The following RPS19 variants were observed in gnomAD, a reference collection of about 807,000 sequenced individuals.
The protein encoded by RPS19 is small ribosomal subunit protein eS19.
Under a neutral mutation model 20.3 loss-of-function variants are expected in RPS19, and 1 was observed. That is an observed-to-expected ratio of 0.05 (90% CI 0.02 to 0.23). The LOEUF (loss-of-function observed/expected upper bound fraction) is 0.23, where lower values mean the gene tolerates loss of function less well. RPS19 is among the 10% of genes least tolerant of loss of function. The pLI is 1.00. For synonymous variants in RPS19, 87 were observed against 74.8 expected, an observed-to-expected ratio of 1.16 and a Z score of -0.84; for missense variants, 111 against 192.7, an observed-to-expected ratio of 0.58 and a Z score of 2.51.
intron 3 of RPS19, chr19:41,864,996 A>G (rs138636742): frequency 6.6e-6 from 1 of 152,354 alleles, no homozygotes; most frequent in African/African-American, 2.4e-5. Context: ...GTCAGAAAAA[A>G]ATAATTAGCA....
At chr19:41,861,313 GGA>G in intron 3 of RPS19, 101 bp downstream of exon 3, 1 of 848,204 alleles carries the variant, frequency 1.2e-6, no homozygotes. Flanking sequence ...GCCCCAAGAG[GGA>G]GAGAAACCCT....
At position 41,871,432 on chromosome 19, in the gene RPS19, CT is replaced by C. The variant is rs368674113; in HGVS notation, c.*61del. On this transcript the variant is annotated 3_prime_UTR_variant, in exon 6 of 6. Coordinates refer to ENST00000598742, the MANE Select transcript of RPS19 (RefSeq NM_001022.4). Reference sequence around the variant, plus strand: ...TCATTCGTAATCCTGGTCTGGGTCTCTTTTTTGAGTCTCTTGCTCTGTCGCC... The same window carrying C: ...TCATTCGTAATCCTGGTCTGGGTCTCTTTTTGAGTCTCTTGCTCTGTCGCC... The C allele has an allele frequency of 2.0e-6, 3 of 1,515,954 alleles. No homozygotes were observed. Among genetic ancestry groups the C allele is most frequent in the Non-Finnish European group, 9.2e-7 (1 of 1,092,462 alleles). The allele number at this position is 1,515,954 out of a possible 1,614,324, so 93.9% of individuals were successfully genotyped here.
intron 5 of RPS19, among the ~76,000 whole-genome samples, chr19:41,870,371 T>C (rs2074134408): frequency 6.6e-6 from 1 of 152,146 alleles, no homozygotes; most frequent in South Asian, 2.1e-4. Flanking sequence ...TTAGTCCTCA[T>C]GCGTACTGAG....
At chr19:41,863,833 C>G (rs2074057404) in intron 3 of RPS19, 1 of 147,326 alleles carries the variant, frequency 6.8e-6, no homozygotes. Context: ...CAGTGTAGCC[C>G]CGGACAGGCT....
intron 3 of RPS19, among the ~76,000 whole-genome samples, chr19:41,862,135 A>G (rs1689020555): frequency 6.6e-6 from 1 of 152,198 alleles, no homozygotes; most frequent in African/African-American, 2.4e-5. Flanking sequence ...AGTAGGTGGG[A>G]AGCAGGGTTT....
At chr19:41,861,435 T>C in intron 3 of RPS19, 1 of 576,770 alleles carries the variant, frequency 1.7e-6, no homozygotes, top group Non-Finnish European at 3.1e-6. Context: ...GCTTTGAGCC[T>C]CAGGGGAAAC....
chr19:41,865,034 G>A (rs1349311026), intron 3 of RPS19: 6 of 152,216 alleles, frequency 3.9e-5, no homozygotes, highest in African/African-American at 1.4e-4. Flanking sequence ...GGAGGAGCTT[G>A]TAATATCTGA....
At chr19:41,864,161 T>G (rs890667125) in intron 3 of RPS19, 1 of 152,200 alleles carries the variant, frequency 6.6e-6, no homozygotes, top group Non-Finnish European at 1.5e-5. Context: ...CTTGCTGTCT[T>G]AATTCTTTAA....
At chr19:41,862,832 C>T (rs1478690182) in intron 3 of RPS19, among the ~76,000 whole-genome samples, 1 of 152,094 alleles carries the variant, frequency 6.6e-6, no homozygotes, top group African/African-American at 2.4e-5. Context: ...TGGAGTACCC[C>T]AAAGGCCTCT....
At chr19:41,863,107 T>G (rs1473437163) in intron 3 of RPS19, among the ~76,000 whole-genome samples, 2 of 152,202 alleles carry the variant, frequency 1.3e-5, no homozygotes, top group East Asian at 3.8e-4. Flanking sequence ...CACTGCAGCT[T>G]CTTGGGCTCA....
intron 5 of RPS19, 36 bp downstream of exon 5, chr19:41,869,789 A>T (rs1555841610): frequency 6.2e-7 from 1 of 1,602,660 alleles, no homozygotes; most frequent in East Asian, 2.2e-5. Flanking sequence ...TGGGTCCCTT[A>T]GTCGCTGCCC....
chr19:41,865,141 CG>C (rs1435790269), intron 3 of RPS19, among the ~76,000 whole-genome samples: 1 of 152,050 alleles, frequency 6.6e-6, no homozygotes, highest in Admixed American at 6.6e-5. Context: ...CCAAGGCAGG[CG>C]GATCACCTGA....
chr19:41,865,539 G>C (rs2074076170), intron 3 of RPS19, among the ~76,000 whole-genome samples: 1 of 152,142 alleles, frequency 6.6e-6, no homozygotes, highest in East Asian at 1.9e-4. Flanking sequence ...GCTCCTGTCT[G>C]ACTGCTCTGG....
intron 3 of RPS19, chr19:41,863,926 TCTGC>T (rs1348527597): frequency 6.8e-6 from 1 of 146,032 alleles, no homozygotes; most frequent in Non-Finnish European, 1.5e-5. Context: ...AACTGCAACC[TCTGC>T]CTGCCGGGTT....
intron 3 of RPS19, among the ~76,000 whole-genome samples, chr19:41,865,948 T>TAA (rs2074082333): frequency 2.4e-4 from 13 of 54,758 alleles, no homozygotes; most frequent in African/African-American, 8.3e-4. Flanking sequence ...GACTCCGTCT[T>TAA]TAAAAAAAAA....
chr19:41,871,742 C>T lies in RPS19; in HGVS notation c.*365C>T. The T allele has an allele frequency of 3.4e-6, 1 of 291,582 alleles. No homozygotes were observed. Among genetic ancestry groups the T allele is most frequent in the South Asian group, 3.7e-5 (1 of 27,046 alleles). 18.1% of individuals were successfully genotyped at this position (291,582 alleles called of 1,614,324 possible). ...CCCATCTGGGTTTGGAGGAAGGACC[C>T]AGGGGCCCTTGTGGCTCACTCCCCC... On this transcript the variant is annotated 3_prime_UTR_variant, in exon 6 of 6. Coordinates refer to ENST00000598742, the MANE Select transcript of RPS19 (RefSeq NM_001022.4).
At chr19:41,866,658 G>T (rs2074093253) in intron 3 of RPS19, among the ~76,000 whole-genome samples, 1 of 152,160 alleles carries the variant, frequency 6.6e-6, no homozygotes, top group Non-Finnish European at 1.5e-5. Context: ...GCTGAGGATT[G>T]GTTCCAGGAT....
intron 3 of RPS19, among the ~76,000 whole-genome samples, chr19:41,862,253 C>T (rs1199163928): frequency 6.6e-6 from 1 of 152,138 alleles, no homozygotes; most frequent in Non-Finnish European, 1.5e-5. Context: ...ACACTTGTGC[C>T]TCAAATGTCT....
At chr19:41,862,757 G>T (rs539504548) in intron 3 of RPS19, among the ~76,000 whole-genome samples, 7 of 152,038 alleles carry the variant, frequency 4.6e-5, no homozygotes, top group Admixed American at 1.3e-4. Flanking sequence ...GCAGCCCACA[G>T]TGGCCCTGCC....
Sources: allele counts gnomAD v4.1 joint callset (sites outside exome capture counted in the v4.1 genomes callset), GRCh38; gene constraint gnomAD v4.1.1; transcripts MANE v1.5; gene names NCBI Gene and HGNC (gene_info 2026-07-23, HGNC 2026-07-21).